SPMIP4: variants seen among roughly 807,000 people sequenced by gnomAD.
SPMIP4 encodes the protein sperm microtubule inner protein 4.
chr7:25,175,659 T>C, the SPMIP4 span, among the ~76,000 whole-genome samples: 7 of 152,306 alleles, frequency 4.6e-5, no homozygotes, highest in East Asian at 3.9e-4. Flanking sequence ...AAACGTATGC[T>C]AGGGCTCACG....
chr7:25,158,249 T>G, the SPMIP4 span, among the ~76,000 whole-genome samples: 10 of 150,640 alleles, frequency 6.6e-5, no homozygotes, highest in Admixed American at 2.0e-4. Context: ...ACACCTGTAG[T>G]CCCAGCTACT....
At chr7:25,127,933 C>T in the SPMIP4 span, among the ~76,000 whole-genome samples, 16 of 152,222 alleles carry the variant, frequency 1.1e-4, no homozygotes, top group Admixed American at 9.8e-4. Flanking sequence ...ATCCGAAGCT[C>T]AGTAAAACTA....
the SPMIP4 span, chr7:25,168,599 G>A: frequency 1.4e-6 from 1 of 720,448 alleles, no homozygotes; most frequent in Non-Finnish European, 2.2e-6. Context: ...AATTCTCAGT[G>A]TCAGGTAGAT....
chr7:25,153,040 G>C, the SPMIP4 span, among the ~76,000 whole-genome samples: 5 of 151,798 alleles, frequency 3.3e-5, no homozygotes, highest in South Asian at 4.2e-4. Context: ...CACCACACCT[G>C]GCCCATGCTT....
At chr7:25,126,894 T>C in the SPMIP4 span, among the ~76,000 whole-genome samples, 83 of 152,260 alleles carry the variant, frequency 5.5e-4, no homozygotes, top group African/African-American at 2.0e-3. Flanking sequence ...ATCCCTCAGC[T>C]TCTGTTTGCC....
chr7:25,177,957 C>T, the SPMIP4 span, among the ~76,000 whole-genome samples: 1 of 152,210 alleles, frequency 6.6e-6, no homozygotes, highest in Non-Finnish European at 1.5e-5. Flanking sequence ...TCACCTTCCT[C>T]CCTCTCTCCA....
At chr7:25,156,764 T>C in the SPMIP4 span, among the ~76,000 whole-genome samples, 2 of 152,204 alleles carry the variant, frequency 1.3e-5, no homozygotes, top group Non-Finnish European at 2.9e-5. Flanking sequence ...CTCAGCTCAC[T>C]GCAACCTCCG....
At chr7:25,140,635 C>G in the SPMIP4 span, among the ~76,000 whole-genome samples, 2 of 150,644 alleles carry the variant, frequency 1.3e-5, no homozygotes, top group Non-Finnish European at 3.0e-5. Flanking sequence ...TTTTCTCCCC[C>G]CGCCCAGCAT....
chr7:25,158,411 CACTT>C, the SPMIP4 span: 1 of 786,442 alleles, frequency 1.3e-6, no homozygotes, highest in South Asian at 1.6e-5. Flanking sequence ...TGGGAAGTCT[CACTT>C]GTTTTCACAC....
chr7:25,161,775 G>T, the SPMIP4 span, among the ~76,000 whole-genome samples: 1 of 151,954 alleles, frequency 6.6e-6, no homozygotes, highest in African/African-American at 2.4e-5. Context: ...TTTTAATATA[G>T]AAAAAATTCA....
At chr7:25,132,360 CAGT>C in the SPMIP4 span, among the ~76,000 whole-genome samples, 1 of 152,168 alleles carries the variant, frequency 6.6e-6, no homozygotes. This position sits in a 1 kb window ranked among gnomAD's most constrained non-coding sequence, Gnocchi z 5.0. Flanking sequence ...TCCTGTCTCT[CAGT>C]ATAACTATTG....
At chr7:25,153,147 G>T in the SPMIP4 span, among the ~76,000 whole-genome samples, 88,339 of 151,988 alleles carry the variant, frequency 0.58, 25,945 homozygotes, top group Middle Eastern at 0.64. Context: ...GTTGTTAGAG[G>T]ATGCTCATCT....
At chr7:25,179,255 G>A in the SPMIP4 span, 2 of 1,613,816 alleles carry the variant, frequency 1.2e-6, no homozygotes, top group Non-Finnish European at 8.5e-7. Context: ...TGGACAGTAT[G>A]TCAGCTCCTT....
the SPMIP4 span, among the ~76,000 whole-genome samples, chr7:25,157,328 G>T: frequency 1.3e-5 from 2 of 152,226 alleles, no homozygotes; most frequent in African/African-American, 2.4e-5. Context: ...CAAGAAGGTG[G>T]AGTATAAATC....
At chr7:25,160,563 T>C in the SPMIP4 span, among the ~76,000 whole-genome samples, 3 of 152,198 alleles carry the variant, frequency 2.0e-5, no homozygotes, top group Non-Finnish European at 4.4e-5. Context: ...CCTCCCAAAG[T>C]GTTGGGAATT....
the SPMIP4 span, chr7:25,158,589 T>A: frequency 4.3e-6 from 6 of 1,381,288 alleles, no homozygotes; most frequent in Admixed American, 1.8e-5. Context: ...AAGGTTTATA[T>A]CCCTATTAGA....
At chr7:25,125,795 C>T in the SPMIP4 span, 31 of 478,166 alleles carry the variant, frequency 6.5e-5, no homozygotes, top group Non-Finnish European at 8.5e-5. Flanking sequence ...CTGGCGCCAA[C>T]AGCATCCTAG....
At chr7:25,155,243 T>C in the SPMIP4 span, 2 of 1,455,678 alleles carry the variant, frequency 1.4e-6, no homozygotes, top group Non-Finnish European at 1.8e-6. Context: ...GAAAGAAGTA[T>C]GGTTGAAAAA....
At chr7:25,141,397 C>T in the SPMIP4 span, among the ~76,000 whole-genome samples, 5 of 151,960 alleles carry the variant, frequency 3.3e-5, no homozygotes, top group African/African-American at 4.8e-5. Context: ...CATGGTGAAA[C>T]CCCGTCTCTA....
Sources: gnomAD v4.1 joint callset for allele counts (sites outside exome capture counted in the v4.1 genomes callset) on GRCh38, gnomAD v4.1.1 for gene constraint, Gnocchi (gnomAD v3.1) non-coding constraint, MANE v1.5 for transcripts, NCBI Gene and HGNC (gene_info 2026-07-23, HGNC 2026-07-21) for gene names.